Variants in TBC1D19 observed in about 807,000 individuals in gnomAD.
TBC1D19 encodes TBC1 domain family member 19.
Under a neutral mutation model 89.0 loss-of-function variants are expected in TBC1D19, and 60 were observed. The ratio of observed to expected loss-of-function variants is 0.67; its 90% confidence interval spans 0.55 to 0.84. The LOEUF (loss-of-function observed/expected upper bound fraction) is 0.84, where lower values mean the gene tolerates loss of function less well. Among genes scored for constraint, TBC1D19 ranks in the 40% least tolerant of loss-of-function variants. The pLI is 0.00. For missense variants in TBC1D19, 500 were observed against 610.8 expected (o/e 0.82, Z 1.91); for synonymous variants, 189 against 199.7 (o/e 0.95, Z 0.45).
At chr4:26,600,940 T>C (rs1051537309) in intron 1 of TBC1D19, among the ~76,000 whole-genome samples, 4 of 152,178 alleles carry the variant, frequency 2.6e-5, no homozygotes, top group African/African-American at 9.7e-5. Flanking sequence ...AAGATAGTAG[T>C]AATTCAACAT....
intron 1 of TBC1D19, among the ~76,000 whole-genome samples, chr4:26,578,952 T>C (rs1434972839): frequency 6.6e-6 from 1 of 152,214 alleles, no homozygotes; most frequent in Non-Finnish European, 1.5e-5. Context: ...TTTGTCTTTT[T>C]TACAATGACA....
At chr4:26,817,758 A>G in the TBC1D19 span, among the ~76,000 whole-genome samples, 2 of 151,992 alleles carry the variant, frequency 1.3e-5, no homozygotes, top group Non-Finnish European at 2.9e-5. Context: ...ACCTGAGGTC[A>G]GGAGGTCAAG....
chr4:26,600,293 T>C (rs955595900), intron 1 of TBC1D19, among the ~76,000 whole-genome samples: 1 of 152,228 alleles, frequency 6.6e-6, no homozygotes, highest in Non-Finnish European at 1.5e-5. Context: ...CTTACCCATA[T>C]TTATTTTGGC....
intron 7 of TBC1D19, among the ~76,000 whole-genome samples, chr4:26,656,039 G>GT (rs141943216): frequency 0.018 from 2,706 of 151,224 alleles, 57 homozygotes; most frequent in East Asian, 0.066. Flanking sequence ...ATTCCTAATA[G>GT]TTTTTTTTTC....
intron 7 of TBC1D19, among the ~76,000 whole-genome samples, chr4:26,642,796 A>T (rs1337488542): frequency 6.8e-6 from 1 of 146,444 alleles, no homozygotes; most frequent in Admixed American, 7.3e-5. Context: ...CTCTGATAAA[A>T]CAGACTTTAA....
chr4:26,744,586 A>G (rs1718544186), intron 18 of TBC1D19, among the ~76,000 whole-genome samples: 1 of 151,924 alleles, frequency 6.6e-6, no homozygotes, highest in Admixed American at 6.6e-5. Context: ...TTTCATTTTT[A>G]TTTAATTAGA....
the TBC1D19 span, among the ~76,000 whole-genome samples, chr4:26,851,331 A>T: frequency 6.3e-4 from 47 of 74,220 alleles, no homozygotes; most frequent in Admixed American, 2.9e-3. Flanking sequence ...CTATCTATCT[A>T]TCTATCTATC....
At chr4:26,638,912 T>A in intron 6 of TBC1D19, 78 bp downstream of exon 6, 2 of 1,146,306 alleles carry the variant, frequency 1.7e-6, no homozygotes, top group Non-Finnish European at 2.5e-6. Flanking sequence ...ATAACATAAT[T>A]AACAATTCTT....
chr4:26,770,866 A>G, the TBC1D19 span, among the ~76,000 whole-genome samples: 3 of 152,302 alleles, frequency 2.0e-5, no homozygotes, highest in South Asian at 2.1e-4. Flanking sequence ...TAAATAACCC[A>G]TAGGTCAAGG....
chr4:26,834,525 C>T, the TBC1D19 span, among the ~76,000 whole-genome samples: 5 of 151,730 alleles, frequency 3.3e-5, no homozygotes, highest in African/African-American at 1.2e-4. Flanking sequence ...AGACAATCGT[C>T]AATCTGGGCT....
At chr4:26,647,943 T>A (rs6826268) in intron 7 of TBC1D19, among the ~76,000 whole-genome samples, 1,924 of 152,180 alleles carry the variant, frequency 0.013, 34 homozygotes, top group African/African-American at 0.043. Flanking sequence ...AACATACTAT[T>A]GATTTATTTT....
intron 13 of TBC1D19, among the ~76,000 whole-genome samples, chr4:26,689,038 C>CT (rs1407513373): frequency 6.6e-6 from 1 of 151,928 alleles, no homozygotes; most frequent in Non-Finnish European, 1.5e-5. Context: ...GCAATTTCTG[C>CT]TTGATTAAAT....
At chr4:26,778,182 G>A in the TBC1D19 span, among the ~76,000 whole-genome samples, 14 of 152,140 alleles carry the variant, frequency 9.2e-5, no homozygotes, top group Middle Eastern at 3.4e-3. Context: ...TTGGGAGGCC[G>A]AGGTGGATGG....
At chr4:26,654,177 T>G (rs754721525) in intron 7 of TBC1D19, among the ~76,000 whole-genome samples, 2 of 152,206 alleles carry the variant, frequency 1.3e-5, no homozygotes, top group Non-Finnish European at 2.9e-5. Flanking sequence ...AAAATTCTTT[T>G]CTTTAAGAAT....
chr4:26,838,606 T>G, the TBC1D19 span, among the ~76,000 whole-genome samples: 2 of 152,242 alleles, frequency 1.3e-5, no homozygotes, highest in Non-Finnish European at 2.9e-5. Context: ...TGGTGAAGTC[T>G]GCAGAACACA....
the TBC1D19 span, among the ~76,000 whole-genome samples, chr4:26,844,229 G>T: frequency 6.6e-6 from 1 of 152,168 alleles, no homozygotes; most frequent in Non-Finnish European, 1.5e-5. Flanking sequence ...CACTAAATTA[G>T]AATCTTTAGG....
At chr4:26,616,223 C>T (rs1303643145) in intron 3 of TBC1D19, among the ~76,000 whole-genome samples, 1 of 152,114 alleles carries the variant, frequency 6.6e-6, no homozygotes, top group Non-Finnish European at 1.5e-5. Context: ...CAAAATTAGT[C>T]TTTCAGCTGA....
intron 7 of TBC1D19, among the ~76,000 whole-genome samples, chr4:26,656,053 C>G (rs376161238): frequency 1.3e-5 from 2 of 151,986 alleles, no homozygotes; most frequent in South Asian, 2.1e-4. Context: ...TTTTTTCTCT[C>G]TAGAGTTTTA....
At chr4:26,602,989 C>CT (rs369866229) in intron 1 of TBC1D19, among the ~76,000 whole-genome samples, 1 of 152,002 alleles carries the variant, frequency 6.6e-6, no homozygotes, top group African/African-American at 2.4e-5. Flanking sequence ...AGCTCAAATG[C>CT]TTTTTTCTTT....
Sources: gnomAD v4.1 joint callset for allele counts (sites outside exome capture counted in the v4.1 genomes callset) on GRCh38, gnomAD v4.1.1 for gene constraint, MANE v1.5 for transcripts, NCBI Gene and HGNC (gene_info 2026-07-23, HGNC 2026-07-21) for gene names.